Variants in SLF1 observed in about 807,000 individuals in gnomAD.
The protein encoded by SLF1 is SMC5/6 complex localization factor 1.
A neutral mutation model predicts 123.0 loss-of-function variants in SLF1; 105 were observed. The ratio of observed to expected loss-of-function variants is 0.85; its 90% CI spans 0.73 to 1.00. SLF1 has a LOEUF of 1.00. Ranked by LOEUF, SLF1 falls within the 50% of genes least tolerant of loss-of-function variation. The pLI is 0.00. For missense variants in SLF1, 1,239 were observed against 1,223.0 expected (o/e 1.01, Z -0.20); for synonymous variants, 434 against 406.6 (o/e 1.07, Z -0.81).
intron 1 of SLF1, among the ~76,000 whole-genome samples, chr5:94,621,566 T>C (rs1207831477): frequency 6.6e-6 from 1 of 152,238 alleles, no homozygotes; most frequent in Non-Finnish European, 1.5e-5. Flanking sequence ...CGATATCTAC[T>C]GTCCACCTAT....
At chr5:94,676,404 A>G (rs1751063006) in intron 14 of SLF1, among the ~76,000 whole-genome samples, 1 of 152,098 alleles carries the variant, frequency 6.6e-6, no homozygotes. Flanking sequence ...TGTTGGTGCT[A>G]CTGATGTGGT....
intron 15 of SLF1, among the ~76,000 whole-genome samples, chr5:94,681,586 C>T (rs997099991): frequency 2.6e-5 from 4 of 152,028 alleles, no homozygotes; most frequent in Middle Eastern, 3.4e-3. Context: ...CATGCTGGTG[C>T]GCTGCACCCA....
At chr5:94,625,085 C>T (rs1792108766) in intron 1 of SLF1, among the ~76,000 whole-genome samples, 1 of 150,856 alleles carries the variant, frequency 6.6e-6, no homozygotes, top group South Asian at 2.1e-4. Flanking sequence ...CCCAGCTACT[C>T]AGGAGGCTGA....
At chr5:94,619,361 A>T (rs1791413258) in intron 1 of SLF1, among the ~76,000 whole-genome samples, 1 of 151,838 alleles carries the variant, frequency 6.6e-6, no homozygotes, top group South Asian at 2.1e-4. Context: ...ACAAACATAC[A>T]CACATACACT....
chr5:94,666,108 G>T, intron 12 of SLF1, 84 bp downstream of exon 12: 1 of 1,276,564 alleles, frequency 7.8e-7, no homozygotes, highest in Non-Finnish European at 1.0e-6. Flanking sequence ...GATGAAAGAA[G>T]TATCTTTCTA....
chr5:94,621,157 TTG>T (rs1244573980), intron 1 of SLF1, among the ~76,000 whole-genome samples: 1 of 152,230 alleles, frequency 6.6e-6, no homozygotes, highest in Non-Finnish European at 1.5e-5. Context: ...TATCTTTCTT[TTG>T]TGTTAGCTGA....
chr5:94,663,706 T>G, intron 10 of SLF1, 44 bp from the exon 11 acceptor site: 2 of 1,399,680 alleles, frequency 1.4e-6, no homozygotes, highest in Non-Finnish European at 1.9e-6. Flanking sequence ...ATTGCAAAAT[T>G]TTATCTTTCT....
chr5:94,639,533 C>T (rs997108186), intron 4 of SLF1, among the ~76,000 whole-genome samples: 7 of 152,056 alleles, frequency 4.6e-5, no homozygotes, highest in African/African-American at 1.7e-4. Context: ...GTGCAGAAAC[C>T]TTAAAACAAT....
At chr5:94,667,760 TTTG>T (rs1246218297) in intron 12 of SLF1, among the ~76,000 whole-genome samples, 3 of 152,144 alleles carry the variant, frequency 2.0e-5, no homozygotes, top group Non-Finnish European at 4.4e-5. Flanking sequence ...TTTGTTTTGT[TTTG>T]TTTTGTTTTT....
At chr5:94,670,386 T>C in intron 13 of SLF1, 107 bp downstream of exon 13, 1 of 956,500 alleles carries the variant, frequency 1.0e-6, no homozygotes, top group South Asian at 2.4e-5. Context: ...TCACCTTATT[T>C]TCTATTTTAA....
intron 4 of SLF1, among the ~76,000 whole-genome samples, chr5:94,637,730 T>A (rs1249017790): frequency 2.0e-5 from 3 of 151,998 alleles, no homozygotes; most frequent in African/African-American, 7.3e-5. Flanking sequence ...AGCATCTCGT[T>A]CCCTAAATGG....
At chr5:94,689,114 A>G (rs1323127262) in intron 17 of SLF1, among the ~76,000 whole-genome samples, 1 of 152,090 alleles carries the variant, frequency 6.6e-6, no homozygotes, top group East Asian at 1.9e-4. Flanking sequence ...GAGAGGAAGA[A>G]GAGAATAGAA....
At chr5:94,650,530 T>C (rs949617964) in intron 6 of SLF1, among the ~76,000 whole-genome samples, 5 of 152,086 alleles carry the variant, frequency 3.3e-5, no homozygotes, top group Admixed American at 1.3e-4. Context: ...GCCTGGCTAA[T>C]TTTTTGTATT....
chr5:94,691,932 C>A (rs1205925193), intron 19 of SLF1, 142 bp from the exon 20 acceptor site: 4 of 735,668 alleles, frequency 5.4e-6, no homozygotes, highest in Non-Finnish European at 6.3e-6. Context: ...TATGATTACA[C>A]CCTAGACATT....
chr5:94,629,513 G>C (rs1217433125), intron 3 of SLF1, among the ~76,000 whole-genome samples: 1 of 152,066 alleles, frequency 6.6e-6, no homozygotes, highest in African/African-American at 2.4e-5. Flanking sequence ...TCTTTGATCT[G>C]TCATTTGATA....
intron 14 of SLF1, among the ~76,000 whole-genome samples, chr5:94,671,386 T>A (rs1219859622): frequency 6.6e-6 from 1 of 151,630 alleles, no homozygotes; most frequent in Non-Finnish European, 1.5e-5. Context: ...TTAGTATTAT[T>A]TTAAAACTAC....
rs1449727334 is a variant in SLF1 at position 94,670,231 on chromosome 5, A to G, written c.1613A>G (p.Lys538Arg). 2 of 1,516,404 alleles carry G rather than the reference A, an allele frequency of 1.3e-6. No individual in the cohort carries two copies. The highest frequency in any genetic ancestry group is 1.8e-6 in the Non-Finnish European group (2 of 1,134,750). The allele number at this position is 1,516,404 out of a possible 1,614,324, so 93.9% of individuals were successfully genotyped here. ...GSKVLHLTLLKFFFNLIESEV... is the reference protein window; with the variant it reads ...GSKVLHLTLLRFFFNLIESEV... ...AAGGTGCTCCACCTGACGCTACTCAAATTTTTCTTTAATTTAATTGAAAGT... is the reference window on the plus strand; with the variant it reads ...AAGGTGCTCCACCTGACGCTACTCAGATTTTTCTTTAATTTAATTGAAAGT... The change falls in exon 13 of 21, where the codon AAA becomes AGA. Residue 538 changes from lysine (K) to arginine (R), a missense_variant. By Grantham distance (26) the Lys-to-Arg change is conservative. Transcript: ENST00000265140.
chr5:94,673,691 TAAAAA>T (rs35649653), intron 14 of SLF1, among the ~76,000 whole-genome samples: 2 of 119,750 alleles, frequency 1.7e-5, no homozygotes, highest in Non-Finnish European at 3.4e-5. Context: ...CCTTGTCTCT[TAAAAA>T]AAAAAAAAAA....
chr5:94,644,271 C>CTT (rs1309910020), intron 5 of SLF1, among the ~76,000 whole-genome samples: 2 of 152,126 alleles, frequency 1.3e-5, no homozygotes. Context: ...CCTTTTTACT[C>CTT]TAATTTCCTA....
Sources: gnomAD v4.1 joint callset for allele counts (sites outside exome capture counted in the v4.1 genomes callset) on GRCh38, gnomAD v4.1.1 for gene constraint, MANE v1.5 for transcripts, NCBI Gene and HGNC (gene_info 2026-07-23, HGNC 2026-07-21) for gene names.